The following CFAP97 variants were observed in gnomAD, a reference collection of about 807,000 sequenced individuals.
The protein encoded by CFAP97 is cilia- and flagella-associated protein 97.
In CFAP97, 36 loss-of-function variants were observed where a neutral mutation model predicts 43.1. That is an observed-to-expected ratio of 0.84 (90% CI 0.64 to 1.10). CFAP97 has a LOEUF of 1.10. CFAP97 is among the 50% of genes least tolerant of loss of function. The pLI is 0.00. For missense variants in CFAP97, 657 were observed against 620.3 expected, an observed-to-expected ratio of 1.06 and a Z score of -0.63; for synonymous variants, 228 against 225.7, an observed-to-expected ratio of 1.01 and a Z score of -0.09.
intron 1 of CFAP97, among the ~76,000 whole-genome samples, chr4:185,191,776 G>A (rs1007228055): frequency 2.0e-5 from 3 of 151,342 alleles, no homozygotes; most frequent in African/African-American, 7.3e-5. Context: ...GTTACAGTGA[G>A]CCGAGATCAC....
chr4:185,203,515 C>T (rs185739848), intron 1 of CFAP97, among the ~76,000 whole-genome samples: 2 of 152,290 alleles, frequency 1.3e-5, no homozygotes, highest in Non-Finnish European at 2.9e-5. Context: ...CCCCTACCGT[C>T]CCCGGAAGGC....
intron 1 of CFAP97, among the ~76,000 whole-genome samples, chr4:185,200,888 GAAAGT>G (rs564560171): frequency 6.6e-6 from 1 of 152,232 alleles, no homozygotes; most frequent in Non-Finnish European, 1.5e-5. Flanking sequence ...GATGAGCAAA[GAAAGT>G]AGTTTCTTGA....
chr4:185,209,914 A>G (rs2111459579), upstream of CFAP97: 1 of 982,844 alleles, frequency 1.0e-6, no homozygotes, highest in Admixed American at 6.2e-5. The surrounding 1 kb of genome is among the most constrained non-coding windows in gnomAD (Gnocchi z 5.2). Flanking sequence ...CTCGGGCTTC[A>G]GGGGCGAGCG....
chr4:185,204,403 T>C (rs1487721235), upstream of CFAP97: 1 of 152,218 alleles, frequency 6.6e-6, no homozygotes, highest in African/African-American at 2.4e-5. Flanking sequence ...TTCATACCAC[T>C]AGTTAGTTCT....
chr4:185,199,164 G>C (rs1355425758), intron 1 of CFAP97, among the ~76,000 whole-genome samples: 1 of 152,140 alleles, frequency 6.6e-6, no homozygotes, highest in Admixed American at 6.5e-5. Context: ...CTTGAGGCCA[G>C]GAGATGGAGA....
At chr4:185,204,022 C>T (rs1309010216), upstream of CFAP97, 1 of 151,050 alleles carries the variant, frequency 6.6e-6, no homozygotes, top group Non-Finnish European at 1.5e-5. Flanking sequence ...AAAGGAGGGG[C>T]GGCGTGGGGC....
rs145074311 is a variant in CFAP97 at position 185,179,104 on chromosome 4, G to A, written c.1055-3053C>T. 5.9e-4 allele frequency among the ~76,000 whole-genome samples: 90 copies of A among 151,864 alleles called. 1 individual carries two copies. The East Asian group carries it at 0.015, about 26-fold the overall frequency. ...AAAGTAAAACTGCTCCTCATCCCTA[G>A]TCTTTCCCAGGAGATTCTCAAAGTA... On this transcript the variant is annotated intron_variant, in intron 2 of 4. Coordinates refer to ENST00000458385, the MANE Select transcript of CFAP97 (RefSeq NM_020827.3).
chr4:185,167,161 C>G (rs1020083126), intron 3 of CFAP97, among the ~76,000 whole-genome samples: 1 of 151,484 alleles, frequency 6.6e-6, no homozygotes, highest in African/African-American at 2.4e-5. Context: ...AACTCTTATG[C>G]AAAAGTTAAA....
At chr4:185,185,143 CTGCAACTTTTTAACACGT>C (rs1475893533) in intron 2 of CFAP97, among the ~76,000 whole-genome samples, 3 of 152,110 alleles carry the variant, frequency 2.0e-5, no homozygotes, top group African/African-American at 7.2e-5. Context: ...AAACAATAGG[CTGCAACTTTTTAACACGT>C]TTCCCATTTG....
At chr4:185,192,709 C>T (rs947089367) in intron 1 of CFAP97, among the ~76,000 whole-genome samples, 3 of 144,044 alleles carry the variant, frequency 2.1e-5, no homozygotes, top group African/African-American at 7.9e-5. Context: ...GACCTTTGAC[C>T]TTCTTAAGAT....
chr4:185,209,844 C>T (rs1737457377), upstream of CFAP97: 5 of 983,538 alleles, frequency 5.1e-6, no homozygotes, highest in Non-Finnish European at 6.0e-6. This position sits in a 1 kb window ranked among gnomAD's most constrained non-coding sequence, Gnocchi z 5.2. Context: ...CCGATGCGAC[C>T]GACAGTGGCG....
chr4:185,192,980 T>TC (rs1736367519), intron 1 of CFAP97, among the ~76,000 whole-genome samples: 1 of 152,088 alleles, frequency 6.6e-6, no homozygotes, highest in Non-Finnish European at 1.5e-5. Flanking sequence ...GACCTTGTGA[T>TC]CCGCCCACCT....
intron 3 of CFAP97, among the ~76,000 whole-genome samples, chr4:185,164,664 T>G (rs1735001459): frequency 6.6e-6 from 1 of 152,182 alleles, no homozygotes; most frequent in Admixed American, 6.5e-5. Flanking sequence ...TTCAGGCTGC[T>G]AAAAGCCTAA....
intron 2 of CFAP97, 71 bp from the exon 3 acceptor site, chr4:185,176,122 T>TC (rs1735527566): frequency 1.3e-5 from 16 of 1,227,928 alleles, no homozygotes; most frequent in Non-Finnish European, 1.6e-5. Flanking sequence ...TTTTTTTTTT[T>TC]CTCTTTTTAG....
chr4:185,188,815 A>G (rs1736111881), intron 2 of CFAP97, among the ~76,000 whole-genome samples: 1 of 152,156 alleles, frequency 6.6e-6, no homozygotes, highest in African/African-American at 2.4e-5. Context: ...AGCATTTATT[A>G]GGAAAGATTT....
chr4:185,184,385 G>A (rs1471084225), intron 2 of CFAP97, among the ~76,000 whole-genome samples: 1 of 152,166 alleles, frequency 6.6e-6, no homozygotes, highest in East Asian at 1.9e-4. Flanking sequence ...ACCAACGACT[G>A]GTTCGGGAAT....
intron 3 of CFAP97, among the ~76,000 whole-genome samples, chr4:185,165,287 CATTTTAATAAT>C (rs1217252236): frequency 2.0e-5 from 3 of 152,178 alleles, no homozygotes; most frequent in Non-Finnish European, 2.9e-5. Context: ...ACGCTATCTC[CATTTTAATAAT>C]ATTTTAATAA....
intron 1 of CFAP97, among the ~76,000 whole-genome samples, chr4:185,195,919 C>T (rs903992832): frequency 2.0e-5 from 3 of 151,956 alleles, no homozygotes; most frequent in African/African-American, 7.3e-5. Flanking sequence ...CTGTGGATAC[C>T]CCACAGTGTA....
At chr4:185,199,742 A>G (rs1183001680) in intron 1 of CFAP97, among the ~76,000 whole-genome samples, 1 of 152,218 alleles carries the variant, frequency 6.6e-6, no homozygotes, top group Non-Finnish European at 1.5e-5. Context: ...TGGTCTATAT[A>G]TAAAACAAAA....
Sources: gnomAD v4.1 joint callset for allele counts (sites outside exome capture counted in the v4.1 genomes callset) on GRCh38, gnomAD v4.1.1 for gene constraint, Gnocchi (gnomAD v3.1) non-coding constraint, MANE v1.5 for transcripts, NCBI Gene and HGNC (gene_info 2026-07-23, HGNC 2026-07-21) for gene names.